Variants in GRIK2 observed in about 807,000 individuals in gnomAD.
GRIK2 encodes glutamate receptor ionotropic, kainate 2.
In GRIK2, 32 loss-of-function variants were observed where a neutral mutation model predicts 100.3. That is an observed-to-expected ratio of 0.32 (90% CI 0.24 to 0.43). The LOEUF is 0.43. Ranked by LOEUF, GRIK2 falls within the 20% of genes least tolerant of loss-of-function variation. The pLI is 1.00. For synonymous variants in GRIK2, 417 were observed against 389.4 expected, an observed-to-expected ratio of 1.07 and a Z score of -0.83; for missense variants, 843 against 1,114.9, an observed-to-expected ratio of 0.76 and a Z score of 3.47.
chr6:101,695,546 C>A (rs1388076501), intron 7 of GRIK2, among the ~76,000 whole-genome samples: 1 of 152,022 alleles, frequency 6.6e-6, no homozygotes, highest in Non-Finnish European at 1.5e-5. Context: ...CTAAACTATA[C>A]TATTTATACA....
At chr6:101,510,510 G>GTTTTTTTTTT (rs142391999) in intron 2 of GRIK2, among the ~76,000 whole-genome samples, 1 of 94,368 alleles carries the variant, frequency 1.1e-5, no homozygotes, top group Non-Finnish European at 2.0e-5. Context: ...CAGTTGGGGA[G>GTTTTTTTTTT]TTTTTTTTTT....
At chr6:101,480,083 A>T (rs1420605275) in intron 2 of GRIK2, among the ~76,000 whole-genome samples, 1 of 152,238 alleles carries the variant, frequency 6.6e-6, no homozygotes, top group East Asian at 1.9e-4. Context: ...GCAAATTTAC[A>T]AAGGAACATG....
chr6:101,452,868 C>G (rs947745031), intron 2 of GRIK2, among the ~76,000 whole-genome samples: 1 of 151,750 alleles, frequency 6.6e-6, no homozygotes, highest in Non-Finnish European at 1.5e-5. Flanking sequence ...AATATTCCAC[C>G]ATTTAATAGT....
At chr6:101,674,242 G>A (rs996149815) in intron 4 of GRIK2, among the ~76,000 whole-genome samples, 1 of 152,112 alleles carries the variant, frequency 6.6e-6, no homozygotes, top group Non-Finnish European at 1.5e-5. Flanking sequence ...GACCAAGAAG[G>A]TCATCTGGGA....
chr6:101,746,104 A>T (rs1776405347), intron 7 of GRIK2, among the ~76,000 whole-genome samples: 1 of 152,202 alleles, frequency 6.6e-6, no homozygotes. Context: ...CCAGCTAGGC[A>T]AGTGAAGAAA....
At chr6:101,907,944 C>T (rs146840104) in intron 12 of GRIK2, among the ~76,000 whole-genome samples, 265 of 151,506 alleles carry the variant, frequency 1.7e-3, no homozygotes, top group Admixed American at 4.4e-3. Flanking sequence ...GAATTTTCTT[C>T]CTCCTCTCCC....
intron 7 of GRIK2, among the ~76,000 whole-genome samples, chr6:101,696,806 C>T (rs925073393): frequency 2.6e-5 from 4 of 151,754 alleles, no homozygotes; most frequent in Non-Finnish European, 4.4e-5. Flanking sequence ...TAAAAGAATC[C>T]TTAAGCATCT....
intron 12 of GRIK2, among the ~76,000 whole-genome samples, chr6:101,899,883 G>A (rs542072631): frequency 6.6e-6 from 1 of 152,130 alleles, no homozygotes; most frequent in African/African-American, 2.4e-5. Flanking sequence ...ACTATTCTTG[G>A]TAATGGGGGG....
intron 2 of GRIK2, among the ~76,000 whole-genome samples, chr6:101,550,142 A>G (rs1169182127): frequency 6.6e-6 from 1 of 152,290 alleles, no homozygotes; most frequent in East Asian, 1.9e-4. Context: ...TCCATTTTTT[A>G]CTAGCAGGAG....
chr6:101,764,044 A>G (rs1475404824), intron 7 of GRIK2, among the ~76,000 whole-genome samples: 2 of 152,112 alleles, frequency 1.3e-5, no homozygotes, highest in African/African-American at 2.4e-5. Flanking sequence ...TAAATCCTGT[A>G]TTTTGGCTTC....
chr6:101,876,494 C>G (rs990376593), intron 11 of GRIK2, among the ~76,000 whole-genome samples: 104 of 150,126 alleles, frequency 6.9e-4, no homozygotes, highest in South Asian at 4.9e-3. Flanking sequence ...AACACACACA[C>G]ACACACACAC....
At chr6:102,034,336 T>C (rs12201018) in intron 14 of GRIK2, among the ~76,000 whole-genome samples, 10,469 of 151,444 alleles carry the variant, frequency 0.069, 360 homozygotes, top group African/African-American at 0.081. Flanking sequence ...TCCTTGCACA[T>C]GTAGAAATAA....
chr6:101,521,130 A>G (rs1441091958), intron 2 of GRIK2, among the ~76,000 whole-genome samples: 3 of 152,080 alleles, frequency 2.0e-5, no homozygotes, highest in South Asian at 2.1e-4. Context: ...ACCATTTTCT[A>G]TAGTTTCTCT....
At chr6:101,792,935 C>T (rs1330056886) in intron 7 of GRIK2, among the ~76,000 whole-genome samples, 1 of 152,026 alleles carries the variant, frequency 6.6e-6, no homozygotes, top group African/African-American at 2.4e-5. Context: ...CTAAACTTCC[C>T]TTCTCGCTTC....
chr6:101,790,951 G>A (rs1405013108), intron 7 of GRIK2, among the ~76,000 whole-genome samples: 69 of 152,056 alleles, frequency 4.5e-4, no homozygotes, highest in Non-Finnish European at 7.5e-4. Context: ...TGTATATGTC[G>A]AGGAATTTAT....
In GRIK2 at chr6:101,590,992, A is replaced by G. The variant is rs144387444; in HGVS notation, c.116-30957A>G. On this transcript the variant is annotated intron_variant, in intron 2 of 16. Coordinates refer to ENST00000369134, the MANE Select transcript of GRIK2 (RefSeq NM_021956.5). Reference sequence around the variant, plus strand: ...AAACCTCCCTATGCAGAAAAATAAAATATCATCCTTTTCTATGAAATAAAG... The same window carrying G: ...AAACCTCCCTATGCAGAAAAATAAAGTATCATCCTTTTCTATGAAATAAAG... Among the ~76,000 whole-genome samples the G allele has an allele frequency of 3.0e-3, 454 of 152,182 alleles. 1 individual carries two copies. Among genetic ancestry groups the G allele is most frequent in the African/African-American group, 0.01 (432 of 41,544 alleles).
At chr6:101,596,572 A>G (rs1778940509) in intron 2 of GRIK2, among the ~76,000 whole-genome samples, 1 of 151,796 alleles carries the variant, frequency 6.6e-6, no homozygotes, top group African/African-American at 2.4e-5. Flanking sequence ...GAAATTTATA[A>G]TTTGGTGTCT....
chr6:101,997,351 T>C (rs889006695), intron 14 of GRIK2, among the ~76,000 whole-genome samples: 3 of 152,132 alleles, frequency 2.0e-5, no homozygotes, highest in Admixed American at 2.0e-4. Context: ...TAACGTACAT[T>C]AGTGTATGTC....
At chr6:101,572,771 T>A (rs1193406732) in intron 2 of GRIK2, among the ~76,000 whole-genome samples, 7 of 144,700 alleles carry the variant, frequency 4.8e-5, no homozygotes, top group African/African-American at 7.9e-5. Flanking sequence ...TTTTTTTTTT[T>A]AGAATCACTT....
Sources: allele counts gnomAD v4.1 joint callset (sites outside exome capture counted in the v4.1 genomes callset), GRCh38; gene constraint gnomAD v4.1.1; transcripts MANE v1.5; gene names NCBI Gene and HGNC (gene_info 2026-07-23, HGNC 2026-07-21).